Variants in NKAIN1 observed in about 807,000 individuals in gnomAD.
NKAIN1 encodes the protein sodium/potassium-transporting ATPase subunit beta-1-interacting protein 1.
Under a neutral mutation model 31.6 loss-of-function variants are expected in NKAIN1, and 13 were observed. The ratio of observed to expected loss-of-function variants is 0.41; its 90% CI spans 0.27 to 0.65. NKAIN1 has a LOEUF of 0.65. Ranked by LOEUF, NKAIN1 falls within the 30% of genes least tolerant of loss-of-function variation. The probability of loss-of-function intolerance (pLI) is 0.30; values close to 1 mark genes in which losing one functional copy is unlikely to be tolerated. For synonymous variants in NKAIN1, 104 were observed against 109.0 expected (o/e 0.95, Z 0.28); for missense variants, 193 against 262.2 (o/e 0.74, Z 1.82).
intron 1 of NKAIN1, among the ~76,000 whole-genome samples, chr1:31,206,059 C>T (rs1158734668): frequency 1.3e-5 from 2 of 149,550 alleles, no homozygotes; most frequent in Non-Finnish European, 3.0e-5. Flanking sequence ...TATGATGAAA[C>T]CCCCGTCTCT....
chr1:31,180,312 C>T lies in NKAIN1; in HGVS notation c.*1391G>A, dbSNP rs578147199. On this transcript the variant is annotated 3_prime_UTR_variant, in exon 7 of 7. Coordinates refer to ENST00000373736, the MANE Select transcript of NKAIN1 (RefSeq NM_024522.3). ...CACAGATGAAATGCTGAGACCTGAT[C>T]CTCTCTCTATGGACGCACCAGGCAG... 1.3e-5 allele frequency: 2 copies of T among 152,254 alleles called. No individual in the cohort carries two copies. The highest frequency in any genetic ancestry group is 4.8e-5 in the African/African-American group (2 of 41,454). 9.4% of individuals were successfully genotyped at this position (152,254 alleles called of 1,614,324 possible).
chr1:31,229,351 C>A (rs1290814528), intron 1 of NKAIN1, among the ~76,000 whole-genome samples: 1 of 152,000 alleles, frequency 6.6e-6, no homozygotes, highest in Non-Finnish European at 1.5e-5. Context: ...TAGTTTGAGA[C>A]TTCATCTTAC....
intron 1 of NKAIN1, among the ~76,000 whole-genome samples, chr1:31,215,459 T>G (rs912517720): frequency 6.6e-6 from 1 of 152,218 alleles, no homozygotes; most frequent in African/African-American, 2.4e-5. Context: ...GGGACTGTTA[T>G]CCCCATCAGA....
intron 1 of NKAIN1, among the ~76,000 whole-genome samples, chr1:31,230,149 C>T (rs1429631637): frequency 6.6e-6 from 1 of 152,148 alleles, no homozygotes; most frequent in Non-Finnish European, 1.5e-5. Context: ...ATTTCCTACC[C>T]CACAGTACTC....
At position 31,183,436 on chromosome 1, in the gene NKAIN1, CTTTTTTTTTTTTTTT is replaced by C. The variant is rs3046278; in HGVS notation, c.471+366_471+380del. Among the ~76,000 whole-genome samples the C allele has an allele frequency of 1.9e-3, 204 of 106,700 alleles. 3 individuals carry two copies. Among genetic ancestry groups the C allele is most frequent in the African/African-American group, 0.01 (182 of 17,916 alleles). The allele number at this position is 106,700 out of a possible 152,430, so 70.0% of individuals were successfully genotyped here. On this transcript the variant is annotated intron_variant, in intron 4 of 6. Transcript: ENST00000373736. ...GGCGGAAGACCTAGGTTCATTCCCT[CTTTTTTTTTTTTTTT>C]TTTTTTTTTTTTTTTTTATGGAGTT...
intron 1 of NKAIN1, among the ~76,000 whole-genome samples, chr1:31,197,894 G>C (rs912212295): frequency 6.6e-6 from 1 of 151,728 alleles, no homozygotes; most frequent in Non-Finnish European, 1.5e-5. Flanking sequence ...TTTTCGCTTT[G>C]TCACCCAGCT....
intron 1 of NKAIN1, among the ~76,000 whole-genome samples, chr1:31,238,446 A>T (rs1383355929): frequency 6.6e-6 from 1 of 152,174 alleles, no homozygotes; most frequent in East Asian, 1.9e-4. Flanking sequence ...CTAGAGGAGA[A>T]GCACAGCTTC....
intron 1 of NKAIN1, among the ~76,000 whole-genome samples, chr1:31,202,447 G>A (rs910203254): frequency 6.6e-6 from 1 of 152,270 alleles, no homozygotes; most frequent in African/African-American, 2.4e-5. Context: ...GGAGGCCGAG[G>A]TGGGCGGATC....
intron 1 of NKAIN1, among the ~76,000 whole-genome samples, chr1:31,215,079 AG>A (rs1177813501): frequency 9.0e-6 from 1 of 111,442 alleles, no homozygotes; most frequent in Non-Finnish European, 2.2e-5. Flanking sequence ...TCGTGGGAGG[AG>A]AAAAAAATCC....
intron 1 of NKAIN1, among the ~76,000 whole-genome samples, chr1:31,234,831 G>T (rs1363350647): frequency 6.6e-6 from 1 of 152,174 alleles, no homozygotes; most frequent in Admixed American, 6.5e-5. Context: ...GTAGCACGGG[G>T]CTGAGAGGGT....
intron 1 of NKAIN1, among the ~76,000 whole-genome samples, chr1:31,219,295 A>G (rs781126208): frequency 6.6e-6 from 1 of 152,236 alleles, no homozygotes; most frequent in Admixed American, 6.5e-5. Flanking sequence ...TCTCATACGC[A>G]GGTCTGGATC....
At chr1:31,231,732 G>A (rs566754140) in intron 1 of NKAIN1, among the ~76,000 whole-genome samples, 369 of 151,646 alleles carry the variant, frequency 2.4e-3, no homozygotes, top group Non-Finnish European at 4.3e-3. Context: ...GGGTTTCACA[G>A]TGTTAGCCAG....
At chr1:31,204,685 T>C (rs900722439) in intron 1 of NKAIN1, among the ~76,000 whole-genome samples, 1 of 152,222 alleles carries the variant, frequency 6.6e-6, no homozygotes, top group Non-Finnish European at 1.5e-5. Flanking sequence ...AAATGGTGAT[T>C]AATCAGATTC....
At chr1:31,237,303 T>C (rs72659274) in intron 1 of NKAIN1, among the ~76,000 whole-genome samples, 4 of 152,234 alleles carry the variant, frequency 2.6e-5, no homozygotes, top group South Asian at 2.1e-4. Flanking sequence ...CTAGTTCCTG[T>C]AGAATTCTGG....
chr1:31,205,334 A>T (rs1645415178), intron 1 of NKAIN1, among the ~76,000 whole-genome samples: 1 of 151,770 alleles, frequency 6.6e-6, no homozygotes. Flanking sequence ...TTTGAGACGG[A>T]GTCTGGCTCT....
chr1:31,195,102 C>T (rs1301563310), intron 1 of NKAIN1, among the ~76,000 whole-genome samples: 5 of 144,910 alleles, frequency 3.5e-5, no homozygotes, highest in African/African-American at 1.3e-4. Flanking sequence ...CTTTCTCTCT[C>T]TTCTCTATAT....
chr1:31,203,428 C>T (rs1447154364), intron 1 of NKAIN1, among the ~76,000 whole-genome samples: 4 of 148,048 alleles, frequency 2.7e-5, no homozygotes, highest in East Asian at 3.9e-4. Flanking sequence ...TTTGAAACGG[C>T]GCTGCAGAGC....
chr1:31,223,169 G>C (rs1317859701), intron 1 of NKAIN1, among the ~76,000 whole-genome samples: 1 of 152,082 alleles, frequency 6.6e-6, no homozygotes, highest in Non-Finnish European at 1.5e-5. Flanking sequence ...CCGAGGTCAG[G>C]AGTTTGAGAC....
chr1:31,212,822 C>A (rs190551471), intron 1 of NKAIN1, among the ~76,000 whole-genome samples: 114 of 152,080 alleles, frequency 7.5e-4, no homozygotes, highest in African/African-American at 2.6e-3. Flanking sequence ...ACGGTGAAAC[C>A]CTGTCTCTAC....
Sources: gnomAD v4.1 joint callset for allele counts (sites outside exome capture counted in the v4.1 genomes callset) on GRCh38, gnomAD v4.1.1 for gene constraint, MANE v1.5 for transcripts, NCBI Gene and HGNC (gene_info 2026-07-23, HGNC 2026-07-21) for gene names.